The following CD99L2 variants were observed in gnomAD, a reference collection of about 807,000 sequenced individuals.
CD99L2 encodes CD99 antigen-like protein 2.
Under a neutral mutation model 27.3 loss-of-function variants are expected in CD99L2, and 24 were observed. The ratio of observed to expected loss-of-function variants is 0.88; its 90% CI spans 0.64 to 1.24. CD99L2 has a LOEUF of 1.24. Ranked by LOEUF, CD99L2 falls within the 50% of genes most tolerant of loss-of-function variation. The probability of loss-of-function intolerance (pLI) is 0.00; values close to 1 mark genes in which losing one functional copy is unlikely to be tolerated. For missense variants in CD99L2, 255 were observed against 221.6 expected (o/e 1.15, Z -0.96); for synonymous variants, 97 against 87.9 (o/e 1.10, Z -0.58).
intron 1 of CD99L2, among the ~76,000 whole-genome samples, chrX:150,880,074 G>A (rs2047303542): frequency 9.0e-6 from 1 of 111,686 alleles, no homozygotes; most frequent in African/African-American, 3.3e-5. Flanking sequence ...TGTTGGCAAG[G>A]ACATAGAGAA....
intron 2 of CD99L2, chrX:150,819,163 GC>G: frequency 2.8e-6 from 1 of 360,220 alleles, no homozygotes. Flanking sequence ...GGCCATGAAT[GC>G]CACAGAAGCC....
intron 2 of CD99L2, among the ~76,000 whole-genome samples, chrX:150,829,988 C>T (rs782246203): frequency 9.1e-6 from 1 of 109,813 alleles, no homozygotes; most frequent in South Asian, 4.0e-4. Flanking sequence ...GAAATCCCCT[C>T]TACTAACATA....
At chrX:150,802,880 CTTTTTTT>C (rs34693200) in intron 4 of CD99L2, among the ~76,000 whole-genome samples, 6 of 20,815 alleles carry the variant, frequency 2.9e-4, no homozygotes, top group South Asian at 4.3e-3. Context: ...CGTGCCCAGC[CTTTTTTT>C]TTTTTTTTTT....
chrX:150,812,153 C>A (rs1232535927), intron 4 of CD99L2, among the ~76,000 whole-genome samples: 1 of 111,016 alleles, frequency 9.0e-6, no homozygotes, highest in East Asian at 2.8e-4. Flanking sequence ...AGAGTGAGAC[C>A]CTGTCTTGGA....
chrX:150,781,463 G>A (rs1000022512), intron 7 of CD99L2, among the ~76,000 whole-genome samples: 1 of 111,692 alleles, frequency 9.0e-6, no homozygotes, highest in African/African-American at 3.3e-5. Flanking sequence ...CACAGCTGGA[G>A]AGAGAGCTCA....
At chrX:150,780,982 G>A (rs1557419423) in intron 7 of CD99L2, among the ~76,000 whole-genome samples, 1 of 112,264 alleles carries the variant, frequency 8.9e-6, no homozygotes, top group Non-Finnish European at 1.9e-5. Flanking sequence ...ATCTTTAAAA[G>A]TGTCTGCTTT....
rs184194013 is a variant in CD99L2, at chrX:150,859,794, C to T, written c.68-28501G>A. Among the ~76,000 whole-genome samples, 447 of 109,660 alleles carry T rather than the reference C, an allele frequency of 4.1e-3. 4 individuals are homozygous for T. The highest frequency in any genetic ancestry group is 0.014 in the African/African-American group (409 of 30,184). On this transcript the variant is annotated intron_variant, in intron 1 of 10. Transcript: ENST00000370377. ...GATTACAGGTGTAAGCCACCGCGCC[C>T]GGCAGCAAAACTCTGTCTTAAATAA...
chrX:150,788,468 C>T (rs1557419631), intron 7 of CD99L2, among the ~76,000 whole-genome samples: 1 of 111,050 alleles, frequency 9.0e-6, no homozygotes, highest in East Asian at 2.8e-4. Context: ...CACTCTTAAC[C>T]GCTTAGCTGG....
chrX:150,880,743 A>G (rs2047312759), intron 1 of CD99L2, among the ~76,000 whole-genome samples: 2 of 111,712 alleles, frequency 1.8e-5, no homozygotes, highest in South Asian at 7.6e-4. Context: ...AAGGAAATTA[A>G]TCCTCTACAC....
chrX:150,769,665 TAGTCTCCCTGCCTGCGCCACC>T (rs2043384968), intron 10 of CD99L2, among the ~76,000 whole-genome samples: 1 of 108,645 alleles, frequency 9.2e-6, no homozygotes, highest in African/African-American at 3.4e-5. Context: ...TGAGCTGTCC[TAGTCTCCCTGCCTGCGCCACC>T]AGGCCTCGGC....
intron 1 of CD99L2, among the ~76,000 whole-genome samples, chrX:150,888,986 G>A (rs781949263): frequency 8.9e-6 from 1 of 112,780 alleles, no homozygotes; most frequent in East Asian, 2.8e-4. Flanking sequence ...ATGTGTGGAG[G>A]TTCATTATGC....
At chrX:150,770,241 C>G in intron 10 of CD99L2, 63 bp downstream of exon 10, 1 of 1,041,858 alleles carries the variant, frequency 9.6e-7, no homozygotes, top group East Asian at 3.0e-5. Context: ...TAGCACAGTT[C>G]TGCTCAGTGC....
intron 1 of CD99L2, among the ~76,000 whole-genome samples, chrX:150,864,056 GTTTGTGATAC>G (rs1313694194): frequency 8.9e-6 from 1 of 112,133 alleles, no homozygotes; most frequent in Non-Finnish European, 1.9e-5. Context: ...CAGCCACCCA[GTTTGTGATAC>G]TTTGTTACAG....
At chrX:150,856,333 G>A (rs957495079) in intron 1 of CD99L2, among the ~76,000 whole-genome samples, 1 of 112,057 alleles carries the variant, frequency 8.9e-6, no homozygotes, top group East Asian at 2.8e-4. Context: ...TCTACAGAAC[G>A]GAGGTCTGAG....
chrX:150,793,524 C>A (rs1489716179), intron 7 of CD99L2, among the ~76,000 whole-genome samples, 167 bp downstream of exon 7: 1 of 112,164 alleles, frequency 8.9e-6, no homozygotes, highest in East Asian at 2.8e-4. Flanking sequence ...CTTATAAATC[C>A]CCCCCTTGAA....
At chrX:150,771,357 C>A (rs1213427026) in intron 9 of CD99L2, among the ~76,000 whole-genome samples, 1 of 112,764 alleles carries the variant, frequency 8.9e-6, no homozygotes, top group Non-Finnish European at 1.9e-5. Context: ...GTGTGGCCGG[C>A]CCCACGCAGA....
intron 4 of CD99L2, among the ~76,000 whole-genome samples, chrX:150,800,459 A>G (rs2045886735): frequency 8.9e-6 from 1 of 112,173 alleles, no homozygotes. Flanking sequence ...TTTTTAAAAT[A>G]CAGTATAATA....
intron 4 of CD99L2, among the ~76,000 whole-genome samples, chrX:150,805,431 A>T (rs1379994637): frequency 1.8e-5 from 2 of 110,742 alleles, no homozygotes; most frequent in Non-Finnish European, 3.8e-5. Flanking sequence ...TAATAATAAT[A>T]TATTATATAC....
rs555913606 is a variant in CD99L2 at position 150,773,572 on chromosome X, C to T, written c.655+2602G>A. On this transcript the variant is annotated intron_variant, in intron 9 of 10. Transcript: ENST00000370377. ...GACGATGCTATAGTGAAGAATGCCCCGCCCCATGCCAAAAAAGATCTGCGT... is the reference window on the plus strand; with the variant it reads ...GACGATGCTATAGTGAAGAATGCCCTGCCCCATGCCAAAAAAGATCTGCGT... Among the ~76,000 whole-genome samples the T allele has an allele frequency of 1.8e-4, 20 of 112,408 alleles. No individual in the cohort carries two copies. In the South Asian group the frequency reaches 5.2e-3, roughly 29 times the overall value.
Sources: gnomAD v4.1 joint callset for allele counts (sites outside exome capture counted in the v4.1 genomes callset) on GRCh38, gnomAD v4.1.1 for gene constraint, MANE v1.5 for transcripts, NCBI Gene and HGNC (gene_info 2026-07-23, HGNC 2026-07-21) for gene names.